TULP4: variants seen among roughly 807,000 people sequenced by gnomAD.
TULP4 encodes the protein TUB like protein 4.
In TULP4, 16 loss-of-function variants were observed where a neutral mutation model predicts 129.0. The ratio of observed to expected loss-of-function variants is 0.12; its 90% CI spans 0.08 to 0.19. The LOEUF is 0.19. Ranked by LOEUF, TULP4 falls within the 10% of genes least tolerant of loss-of-function variation. TULP4 has a pLI of 1.00. For missense variants in TULP4, 1,842 were observed against 2,059.1 expected (o/e 0.89, Z 2.04); for synonymous variants, 998 against 854.0 (o/e 1.17, Z -2.94).
In TULP4 at chr6:158,380,526, T is replaced by G. The variant is rs534578139; in HGVS notation, c.253-32539T>G. Among the ~76,000 whole-genome samples, 55 of 152,222 alleles carry G rather than the reference T, an allele frequency of 3.6e-4. No homozygotes were observed. The Middle Eastern group carries it at 0.014, about 38-fold the overall frequency. ...TATTTGCATAGAAAGTTGGGGAGAT[T>G]GTGTAGACTTGGGGGCTTACACAGA... On this transcript the variant is annotated intron_variant, in intron 1 of 13. Transcript: ENST00000367097.
chr6:158,503,435 G>T lies in TULP4; in HGVS notation c.3772G>T (p.Val1258Phe). 1 of 1,613,962 alleles carries T rather than the reference G, an allele frequency of 6.2e-7. No homozygotes were observed. Among genetic ancestry groups the T allele is most frequent in the Non-Finnish European group, 8.5e-7 (1 of 1,180,020 alleles). ...GTGCTCTAGTTTACAGCTGCCACCT[G>T]TCGCCTTGCATCCATGGAGTTCCTA... The part of the protein sequence containing the change: ...STCSSLQLPP[V>F]ALHPWSSYSA... Residue 1258 changes from valine (V) to phenylalanine (F), a missense_variant, in exon 13 of 14, where the codon GTC (valine) becomes TTC (phenylalanine). Coordinates refer to ENST00000367097, the MANE Select transcript of TULP4 (RefSeq NM_020245.5). The surrounding 1 kb of genome is among the most constrained non-coding windows in gnomAD (Gnocchi z 4.3).
intron 1 of TULP4, among the ~76,000 whole-genome samples, chr6:158,365,211 TTA>T (rs1780904690): frequency 6.6e-6 from 1 of 152,060 alleles, no homozygotes. Flanking sequence ...ACTCTACCTG[TTA>T]TGTTACTTCA....
At chr6:158,334,211 G>C (rs1481233675) in intron 1 of TULP4, among the ~76,000 whole-genome samples, 1 of 152,170 alleles carries the variant, frequency 6.6e-6, no homozygotes, top group Non-Finnish European at 1.5e-5. Flanking sequence ...TGCTGGAAGT[G>C]CTCCCAAGAA....
intron 1 of TULP4, among the ~76,000 whole-genome samples, chr6:158,239,193 C>A (rs1251103347): frequency 1.9e-5 from 2 of 105,946 alleles, no homozygotes; most frequent in South Asian, 3.1e-4. Context: ...GCTGACCCCC[C>A]CCACCTCCCT....
chr6:158,388,012 AT>A (rs1337766486), intron 1 of TULP4, among the ~76,000 whole-genome samples: 5 of 152,184 alleles, frequency 3.3e-5, no homozygotes, highest in Non-Finnish European at 7.4e-5. Flanking sequence ...GTGAATTCTA[AT>A]TGCAAATAAG....
At chr6:158,253,300 T>C (rs1198008697) in intron 1 of TULP4, among the ~76,000 whole-genome samples, 1 of 152,200 alleles carries the variant, frequency 6.6e-6, no homozygotes, top group Non-Finnish European at 1.5e-5. Context: ...ATGACCAGTC[T>C]TCCAACTTTA....
At chr6:158,300,072 T>A (rs1316258383) in intron 1 of TULP4, among the ~76,000 whole-genome samples, 1 of 152,130 alleles carries the variant, frequency 6.6e-6, no homozygotes, top group African/African-American at 2.4e-5. Context: ...GGCGTGCCAG[T>A]TTCTGAGGAG....
intron 9 of TULP4, among the ~76,000 whole-genome samples, chr6:158,491,518 T>TGAGACGGA (rs1554296519): frequency 1.3e-5 from 2 of 149,050 alleles, no homozygotes; most frequent in African/African-American, 5.0e-5. Flanking sequence ...CTTTCTTTCT[T>TGAGACGGA]GTCTCGCTCT....
intron 1 of TULP4, among the ~76,000 whole-genome samples, chr6:158,386,344 G>C (rs1023777440): frequency 6.6e-6 from 1 of 151,638 alleles, no homozygotes; most frequent in African/African-American, 2.4e-5. Context: ...TTAATAAAGG[G>C]GTCATTACTC....
intron 2 of TULP4, among the ~76,000 whole-genome samples, chr6:158,422,255 G>A (rs1285323603): frequency 6.6e-6 from 1 of 152,020 alleles, no homozygotes; most frequent in Non-Finnish European, 1.5e-5. Flanking sequence ...GAAGAACACA[G>A]AAATAAACAA....
At chr6:158,415,845 T>C (rs1425642352) in intron 2 of TULP4, among the ~76,000 whole-genome samples, 1 of 152,060 alleles carries the variant, frequency 6.6e-6, no homozygotes, top group Admixed American at 6.6e-5. Context: ...AAGGGAGTTT[T>C]TGAAGGAGAA....
At chr6:158,250,566 A>G (rs988299997) in intron 1 of TULP4, among the ~76,000 whole-genome samples, 1 of 152,234 alleles carries the variant, frequency 6.6e-6, no homozygotes, top group African/African-American at 2.4e-5. Flanking sequence ...AAGGTTGACC[A>G]TATGGTTCAG....
intron 1 of TULP4, among the ~76,000 whole-genome samples, chr6:158,349,160 C>A (rs1780412960): frequency 7.0e-6 from 1 of 142,788 alleles, no homozygotes; most frequent in African/African-American, 2.6e-5. Flanking sequence ...ACACTCCTCA[C>A]TTCCCACACG....
intron 1 of TULP4, among the ~76,000 whole-genome samples, chr6:158,287,202 G>A (rs904704709): frequency 6.6e-5 from 10 of 152,178 alleles, no homozygotes; most frequent in African/African-American, 2.4e-4. Flanking sequence ...TCAAATTACA[G>A]GGTGAATGGA....
intron 3 of TULP4, among the ~76,000 whole-genome samples, chr6:158,435,148 A>C (rs569866439): frequency 2.3e-4 from 35 of 152,294 alleles, no homozygotes; most frequent in African/African-American, 7.7e-4. Flanking sequence ...AAATCATCTT[A>C]AGACAATTTC....
At chr6:158,357,330 GT>G (rs1780672330) in intron 1 of TULP4, among the ~76,000 whole-genome samples, 1 of 152,316 alleles carries the variant, frequency 6.6e-6, no homozygotes, top group East Asian at 1.9e-4. Flanking sequence ...GCAGAGGCCT[GT>G]GTCAGGTTTA....
intron 1 of TULP4, among the ~76,000 whole-genome samples, chr6:158,290,913 A>C (rs1329997694): frequency 6.6e-6 from 1 of 152,186 alleles, no homozygotes; most frequent in Non-Finnish European, 1.5e-5. Context: ...TGCCTACCGG[A>C]TAGTGTCGGG....
chr6:158,458,790 A>G (rs1779352619), intron 5 of TULP4, among the ~76,000 whole-genome samples: 1 of 152,204 alleles, frequency 6.6e-6, no homozygotes. Flanking sequence ...TGAAAATTTT[A>G]AACTCTTGCC....
intron 6 of TULP4, among the ~76,000 whole-genome samples, chr6:158,479,460 C>T (rs1033367330): frequency 2.0e-5 from 3 of 152,158 alleles, no homozygotes; most frequent in Non-Finnish European, 4.4e-5. Flanking sequence ...ATGAGAATCT[C>T]GCTGTATTGC....
Sources: gnomAD v4.1 joint callset for allele counts (sites outside exome capture counted in the v4.1 genomes callset) on GRCh38, gnomAD v4.1.1 for gene constraint, Gnocchi (gnomAD v3.1) non-coding constraint, MANE v1.5 for transcripts, NCBI Gene and HGNC (gene_info 2026-07-23, HGNC 2026-07-21) for gene names.